The following HERC2 variants were observed in gnomAD, a reference collection of about 807,000 sequenced individuals.
HERC2 encodes the protein E3 ubiquitin-protein ligase HERC2.
Under a neutral mutation model 537.7 loss-of-function variants are expected in HERC2, and 102 were observed. The observed-to-expected ratio is 0.19, with a 90% CI of 0.16 to 0.22. The LOEUF (loss-of-function observed/expected upper bound fraction) is 0.22, where lower values mean the gene tolerates loss of function less well. Among genes scored for constraint, HERC2 ranks in the 10% least tolerant of loss-of-function variants. The pLI, the probability that HERC2 is intolerant of heterozygous loss-of-function variation, is 1.00. For synonymous variants in HERC2, 2,224 were observed against 2,466.2 expected (o/e 0.90, Z 2.91); for missense variants, 4,236 against 6,198.2 (o/e 0.68, Z 10.63).
intron 4 of HERC2, among the ~76,000 whole-genome samples, chr15:28,280,548 G>A (rs1209596120): frequency 1.3e-5 from 2 of 152,082 alleles, no homozygotes; most frequent in African/African-American, 4.8e-5. Flanking sequence ...ACAGAGGAGT[G>A]CGGCACATGA....
At chr15:28,117,554 AC>A (rs1888412957) in intron 86 of HERC2, 1 of 492,740 alleles carries the variant, frequency 2.0e-6, no homozygotes, top group South Asian at 1.5e-5. Context: ...GAAATAAGAC[AC>A]CAGGAACTCC....
At position 28,163,203 on chromosome 15, in the gene HERC2, G is replaced by C; in HGVS notation, c.10637C>G (p.Thr3546Ser). Residue 3546 changes from threonine (T) to serine (S), a missense_variant, in exon 69 of 93, where the codon ACT becomes AGT. Physicochemically the swap from Thr to Ser is moderately conservative, Grantham distance 58. Around this residue, in one of 27 missense-constraint regions of HERC2, gnomAD observed 356 missense variants for 450.9 expected, o/e 0.79. Coordinates refer to ENST00000261609, the MANE Select transcript of HERC2 (RefSeq NM_004667.6). Reference sequence around the variant, plus strand: ...CTTGAGCAGGTCTACCACCACACGAGTGTCATCCGCAATCAGCAGACTGGT... The same window carrying C: ...CTTGAGCAGGTCTACCACCACACGACTGTCATCCGCAATCAGCAGACTGGT... ...EFTSLLIADD[T>S]RVVVDLLKLS... 6.2e-7 allele frequency: 1 copy of C among 1,613,902 alleles called. No homozygotes were observed. Among genetic ancestry groups the C allele is most frequent in the Non-Finnish European group, 8.5e-7 (1 of 1,180,026 alleles).
At chr15:28,269,091 T>C (rs1023751996) in intron 11 of HERC2, among the ~76,000 whole-genome samples, 157 bp downstream of exon 11, 1 of 152,204 alleles carries the variant, frequency 6.6e-6, no homozygotes, top group Non-Finnish European at 1.5e-5. Context: ...ATCTTGACAA[T>C]ATTACAACTG....
At position 28,229,330 on chromosome 15, in the gene HERC2, A is replaced by G; in HGVS notation, c.5137T>C (p.Cys1713Arg). The G allele has an allele frequency of 6.2e-7, 1 of 1,613,006 alleles. No individual in the cohort carries two copies. The highest frequency in any genetic ancestry group is 8.5e-7 in the Non-Finnish European group (1 of 1,178,972). Residue 1713 changes from cysteine (C) to arginine (R), a missense_variant, in exon 34 of 93, where the codon TGT (cysteine) becomes CGT (arginine). Cys to Arg is a radical substitution (Grantham distance 180, BLOSUM62 -3). Around this residue, in one of 27 missense-constraint regions of HERC2, gnomAD observed 343 missense variants for 417.2 expected, o/e 0.82. Transcript: ENST00000261609. ...GIDIGEPLTD[C>R]LKDVDLIPPF... ...GGGATCAAATCAACATCCTTTAAAC[A>G]ATCAGTAAGAGGTTCCCTTTCAAAT... is the stretch of plus-strand genomic sequence containing the variant.
chr15:28,125,202 A>G lies in HERC2; in HGVS notation c.12803-9T>C, dbSNP rs368764420. On this transcript the variant is annotated splice_polypyrimidine_tract_variant and intron_variant, in intron 83 of 92. Coordinates refer to ENST00000261609, the MANE Select transcript of HERC2 (RefSeq NM_004667.6). ...CCATGTATAAACCTCACCTGAATGA[A>G]GTGAATTTAGAATCAGAACCTGTAT... 4 of 1,598,664 alleles carry G rather than the reference A, an allele frequency of 2.5e-6. No homozygotes were observed. In the African/African-American group the frequency reaches 4.0e-5, roughly 16 times the overall value.
chr15:28,316,804 T>C (rs995554155), intron 2 of HERC2, among the ~76,000 whole-genome samples: 4 of 152,206 alleles, frequency 2.6e-5, no homozygotes, highest in Admixed American at 2.0e-4. Context: ...TTGAGACGGA[T>C]TCTCGCTCTC....
In HERC2 at chr15:28,152,940, G is replaced by C. The variant is rs542076799; in HGVS notation, c.10747-110C>G. 1.0e-4 allele frequency: 111 copies of C among 1,086,352 alleles called. 1 individual carries two copies. In the South Asian group the frequency reaches 1.7e-3, roughly 17 times the overall value. 67.3% of individuals were successfully genotyped at this position (1,086,352 alleles called of 1,614,324 possible). On this transcript the variant is annotated intron_variant, in intron 69 of 92. Transcript: ENST00000261609. ...GGAGCTCCACAAGGACAGCGTGGCA[G>C]AGTGGAGGGCTTGGAGTTTGAGAAA...
In HERC2 at chr15:28,177,971, C is replaced by T. The variant is rs1323723442; in HGVS notation, c.9164-462G>A. Among the ~76,000 whole-genome samples, 1 of 152,214 alleles carries T rather than the reference C, an allele frequency of 6.6e-6. No individual in the cohort carries two copies. The highest frequency in any genetic ancestry group is 2.4e-5 in the African/African-American group (1 of 41,446). On this transcript the variant is annotated intron_variant, in intron 59 of 92. Transcript: ENST00000261609. This position sits in a 1 kb window ranked among gnomAD's most constrained non-coding sequence, Gnocchi z 5.0. ...AACACGTCAGCTTATGCTCTTTCCC[C>T]AGCATGGAATATTCTCAAAGTCCAT...
At chr15:28,167,108 T>C (rs1193878868) in intron 68 of HERC2, among the ~76,000 whole-genome samples, 1 of 151,736 alleles carries the variant, frequency 6.6e-6, no homozygotes, top group Admixed American at 6.6e-5. Flanking sequence ...AACTGGGAGG[T>C]AAAAGTATGA....
At chr15:28,321,887 G>A (rs868638187) in intron 1 of HERC2, among the ~76,000 whole-genome samples, 188 bp downstream of exon 1, 3 of 145,172 alleles carry the variant, frequency 2.1e-5, no homozygotes, top group Non-Finnish European at 4.4e-5. Context: ...CAAAAGGATC[G>A]CCTGCAGAAA....
In HERC2 at chr15:28,198,474, T is replaced by A; in HGVS notation, c.7915A>T (p.Ile2639Phe). The part of the protein sequence containing the change: ...GYPPPSSSSH[I>F]KIGDKVRVKA... ...ACCCGCACTTTATCACCAATCTTGA[T>A]GTGAGAAGAAGAACTTGGTGGAGGA... is the stretch of plus-strand genomic sequence containing the variant. The change falls in exon 50 of 93, where the codon ATC becomes TTC. Residue 2639 changes from isoleucine to phenylalanine, a missense_variant. By Grantham distance (21) the Ile-to-Phe change is conservative (BLOSUM62 0). Transcript: ENST00000261609. 1.9e-6 allele frequency: 3 copies of A among 1,614,086 alleles called. No individual in the cohort carries two copies. The highest frequency in any genetic ancestry group is 2.5e-6 in the Non-Finnish European group (3 of 1,179,994).
At chr15:28,267,944 T>A (rs928728739) in intron 12 of HERC2, among the ~76,000 whole-genome samples, 7 of 152,232 alleles carry the variant, frequency 4.6e-5, no homozygotes, top group African/African-American at 1.7e-4. Flanking sequence ...AGGGTTCCCA[T>A]CACTCCATGG....
At chr15:28,144,590 G>T in intron 72 of HERC2, 83 bp downstream of exon 72, 1 of 1,576,506 alleles carries the variant, frequency 6.3e-7, no homozygotes, top group Admixed American at 1.7e-5. Flanking sequence ...GGCACTACGT[G>T]GACATGTGCA....
chr15:28,147,075 T>C (rs1383960775), intron 70 of HERC2, among the ~76,000 whole-genome samples: 2 of 144,568 alleles, frequency 1.4e-5, no homozygotes, highest in South Asian at 4.6e-4. Flanking sequence ...GGGAGGCAGC[T>C]AGTATGTGGT....
At position 28,113,065 on chromosome 15, in the gene HERC2, G is replaced by A. The variant is rs779502011; in HGVS notation, c.14232+6C>T. 3.7e-6 allele frequency: 6 copies of A among 1,611,792 alleles called. No homozygotes were observed. Among genetic ancestry groups the A allele is most frequent in the Middle Eastern group, 1.7e-4 (1 of 6,046 alleles). On this transcript the variant is annotated splice_donor_region_variant and intron_variant, in intron 92 of 92. Coordinates refer to ENST00000261609, the MANE Select transcript of HERC2 (RefSeq NM_004667.6). This position sits in a 1 kb window ranked among gnomAD's most constrained non-coding sequence, Gnocchi z 7.0. ...CCAGGGCCGGCAAGCCCAGCCAGGA[G>A]CCTACCTGGATGACGAAGTCTCGGC...
Position 28,143,904 on chromosome 15 carries a change from A to T in HERC2, c.11387T>A (p.Leu3796His). 1 of 1,614,116 alleles carries T rather than the reference A, an allele frequency of 6.2e-7. No individual in the cohort carries two copies. Among genetic ancestry groups the T allele is most frequent in the South Asian group, 1.1e-5 (1 of 91,086 alleles). ...FGQSININRL[L>H]GENDGETRAL... ...TCTTGTTTCCCCATCATTTTCTCCA[A>T]GCAGCCTATTTATGTTAATTGACTG... The change falls in exon 74 of 93, where the codon CTT (leucine) becomes CAT (histidine). Residue 3796 changes from leucine to histidine, a missense_variant. Physicochemically the swap from Leu to His is moderately conservative, Grantham distance 99. Coordinates refer to ENST00000261609, the MANE Select transcript of HERC2 (RefSeq NM_004667.6).
intron 2 of HERC2, among the ~76,000 whole-genome samples, chr15:28,316,747 A>G (rs1489824200): frequency 6.6e-6 from 1 of 152,158 alleles, no homozygotes; most frequent in Non-Finnish European, 1.5e-5. Flanking sequence ...ATTTATCAAG[A>G]TACTCATGTT....
Position 28,130,202 on chromosome 15 carries a change from C to A in HERC2, c.12763G>T (p.Ala4255Ser). 1 of 1,614,162 alleles carries A rather than the reference C, an allele frequency of 6.2e-7. No individual in the cohort carries two copies. The highest frequency in any genetic ancestry group is 8.5e-7 in the Non-Finnish European group (1 of 1,180,026). ...CACACACAGTGCAGGGAGCCAGTGGCGATGGCGATGACTTTCTTCCCCTGC... is the reference window on the plus strand; with the variant it reads ...CACACACAGTGCAGGGAGCCAGTGGAGATGGCGATGACTTTCTTCCCCTGC... ...GLQGKKVIAI[A>S]TGSLHCVCCT... The change falls in exon 83 of 93, where the codon GCC becomes TCC. Residue 4255 changes from alanine (A) to serine (S), a missense_variant. Physicochemically the swap from Ala to Ser is moderately conservative, Grantham distance 99 (BLOSUM62 1). Coordinates refer to ENST00000261609, the MANE Select transcript of HERC2 (RefSeq NM_004667.6).
rs1169206608 is a variant in HERC2, at chr15:28,268,588, G to C, written c.1475C>G (p.Ser492Cys). The C allele has an allele frequency of 1.9e-6, 3 of 1,614,156 alleles. No homozygotes were observed. The highest frequency in any genetic ancestry group is 2.5e-6 in the Non-Finnish European group (3 of 1,180,026). ...LAPQLVQGLASRNIVKIAAHS... is the reference protein window; with the variant it reads ...LAPQLVQGLACRNIVKIAAHS... Reference sequence around the variant, plus strand: ...GGCAGCAATTTTTACAATGTTTCTGGAGGCAAGGCCTTGGACCAGCTGTGG... The same window carrying C: ...GGCAGCAATTTTTACAATGTTTCTGCAGGCAAGGCCTTGGACCAGCTGTGG... The change falls in exon 12 of 93, where the codon TCC becomes TGC. Residue 492 changes from serine (S) to cysteine (C), a missense_variant. This residue lies in a region of HERC2 where 754 missense variants were observed against 1,085.0 expected (regional missense o/e 0.69). Coordinates refer to ENST00000261609, the MANE Select transcript of HERC2 (RefSeq NM_004667.6). This position sits in a 1 kb window ranked among gnomAD's most constrained non-coding sequence, Gnocchi z 4.7.
Sources: gnomAD v4.1 joint callset for allele counts (sites outside exome capture counted in the v4.1 genomes callset) on GRCh38, gnomAD v4.1.1 for gene constraint, gnomAD v4.1.1 regional missense constraint, Gnocchi (gnomAD v3.1) non-coding constraint, MANE v1.5 for transcripts, NCBI Gene and HGNC (gene_info 2026-07-23, HGNC 2026-07-21) for gene names.